The following LTBP1 variants were observed in gnomAD, a reference collection of about 807,000 sequenced individuals.
LTBP1 encodes latent-transforming growth factor beta-binding protein 1.
In LTBP1, 129 loss-of-function variants were observed where a neutral mutation model predicts 207.6. That is an observed-to-expected ratio of 0.62 (90% confidence interval 0.54 to 0.72). The LOEUF is 0.72. LTBP1 is among the 30% of genes least tolerant of loss of function. The probability of loss-of-function intolerance (pLI) is 0.00; values close to 1 mark genes in which losing one functional copy is unlikely to be tolerated. For missense variants in LTBP1, 2,281 were observed against 2,217.2 expected, an observed-to-expected ratio of 1.03 and a Z score of -0.58; for synonymous variants, 963 against 833.7, an observed-to-expected ratio of 1.16 and a Z score of -2.67.
At chr2:33,330,827 A>AG (rs1261931312) in intron 24 of LTBP1, among the ~76,000 whole-genome samples, 1 of 151,586 alleles carries the variant, frequency 6.6e-6, no homozygotes, top group Non-Finnish European at 1.5e-5. Flanking sequence ...AAAAAAAAAA[A>AG]AAAATCCTTG....
At chr2:33,024,313 G>A (rs531811971) in intron 3 of LTBP1, among the ~76,000 whole-genome samples, 22 of 152,150 alleles carry the variant, frequency 1.4e-4, no homozygotes, top group Admixed American at 3.3e-4. Flanking sequence ...TGTGTGGTGG[G>A]GAAGAGTGAG....
chr2:32,996,097 G>A (rs772918904), intron 2 of LTBP1, among the ~76,000 whole-genome samples: 1 of 152,068 alleles, frequency 6.6e-6, no homozygotes, highest in Non-Finnish European at 1.5e-5. Context: ...TTTCTAACTT[G>A]ATGGATTATG....
intron 7 of LTBP1, among the ~76,000 whole-genome samples, chr2:33,196,506 C>G (rs939795904): frequency 2.2e-4 from 33 of 151,538 alleles, no homozygotes; most frequent in African/African-American, 7.8e-4. Context: ...GTGAAATGAC[C>G]AAGGGCCAAT....
At chr2:33,083,067 C>T (rs1356801679) in intron 3 of LTBP1, among the ~76,000 whole-genome samples, 1 of 151,992 alleles carries the variant, frequency 6.6e-6, no homozygotes, top group East Asian at 2.0e-4. Flanking sequence ...TCCCCAGCAG[C>T]TCTGCTTGTG....
intron 3 of LTBP1, among the ~76,000 whole-genome samples, chr2:33,099,973 C>T (rs1337470431): frequency 2.6e-5 from 4 of 152,152 alleles, no homozygotes; most frequent in Admixed American, 2.0e-4. Flanking sequence ...CTCTTGCTTC[C>T]ATTAGGGTGC....
At chr2:33,374,091 G>A (rs2095106023) in intron 31 of LTBP1, among the ~76,000 whole-genome samples, 1 of 152,178 alleles carries the variant, frequency 6.6e-6, no homozygotes, top group South Asian at 2.1e-4. Context: ...TGTGAAGGAA[G>A]ACAGGGATTT....
In LTBP1 at chr2:33,364,231, A is replaced by G. The variant is rs372852447; in HGVS notation, c.4415A>G (p.Gln1472Arg). Residue 1472 changes from glutamine (Q) to arginine (R), a missense_variant, in exon 30 of 34, where the codon CAA becomes CGA. By Grantham distance (43) the Gln-to-Arg change is conservative. Coordinates refer to ENST00000404816, the MANE Select transcript of LTBP1 (RefSeq NM_206943.4). Reference protein sequence around the residue: ...KLQCFDMDECQDPSSCIDGQC... With the variant: ...KLQCFDMDECRDPSSCIDGQC... Reference sequence around the variant, plus strand: ...TGCTCTTAAGATATGGATGAATGTCAAGACCCCAGTAGTTGTATTGATGGC... The same window carrying G: ...TGCTCTTAAGATATGGATGAATGTCGAGACCCCAGTAGTTGTATTGATGGC... 84 of 1,613,036 alleles carry G rather than the reference A, an allele frequency of 5.2e-5. 1 individual carries two copies. The highest frequency in any genetic ancestry group is 6.6e-5 in the Non-Finnish European group (78 of 1,179,716).
chr2:33,138,082 A>G (rs1410491513), intron 5 of LTBP1, among the ~76,000 whole-genome samples: 1 of 152,110 alleles, frequency 6.6e-6, no homozygotes, highest in Non-Finnish European at 1.5e-5. Flanking sequence ...CCTAATAGAT[A>G]TGTGGAGGTT....
intron 2 of LTBP1, among the ~76,000 whole-genome samples, chr2:32,993,461 A>G (rs1395690110): frequency 2.6e-5 from 4 of 152,134 alleles, no homozygotes; most frequent in African/African-American, 7.2e-5. Context: ...TCCAAACACC[A>G]TCTATTATTT....
At chr2:33,348,425 T>C (rs765603193) in intron 26 of LTBP1, among the ~76,000 whole-genome samples, 19 of 152,190 alleles carry the variant, frequency 1.2e-4, no homozygotes, top group Non-Finnish European at 2.5e-4. Context: ...AAAAACCTTG[T>C]GAAAGAGAAG....
chr2:33,112,668 A>C (rs762722257), intron 4 of LTBP1, among the ~76,000 whole-genome samples: 5 of 152,200 alleles, frequency 3.3e-5, no homozygotes, highest in Admixed American at 1.3e-4. Flanking sequence ...TTTTTAAAAG[A>C]GATAATTTGG....
chr2:33,317,620 T>C (rs908906570), intron 24 of LTBP1: 4 of 152,362 alleles, frequency 2.6e-5, no homozygotes, highest in Admixed American at 2.6e-4. Context: ...AATGGAGCAG[T>C]TGTACATAGT....
chr2:32,970,803 A>G (rs897313178), intron 2 of LTBP1, among the ~76,000 whole-genome samples: 3 of 151,492 alleles, frequency 2.0e-5, no homozygotes, highest in Non-Finnish European at 4.4e-5. Context: ...GAAGAATGTC[A>G]TTGTTAGTTG....
chr2:33,341,729 A>AAAAAAAAAAAAAATATAT (rs745445793), intron 24 of LTBP1, among the ~76,000 whole-genome samples: 2 of 93,636 alleles, frequency 2.1e-5, no homozygotes, highest in Admixed American at 1.3e-4. Flanking sequence ...AAAAAAAAAA[A>AAAAAAAAAAAAAATATAT]ATATATATAT....
intron 24 of LTBP1, among the ~76,000 whole-genome samples, chr2:33,316,749 A>G (rs2094279411): frequency 6.6e-6 from 1 of 152,214 alleles, no homozygotes. Flanking sequence ...CACTCCATGA[A>G]TGCATACATT....
rs958371531 is a variant in LTBP1, at chr2:33,223,389, T to C, written c.1876+1238T>C. ...GTCTTAAAAATATTGTAAGCCCTCA[T>C]GTGTCACAGAATGTTGAGAAAATTA... On this transcript the variant is annotated intron_variant, in intron 9 of 33. Transcript: ENST00000404816. Among the ~76,000 whole-genome samples the C allele has an allele frequency of 4.6e-5, 7 of 152,338 alleles. No individual in the cohort carries two copies. The East Asian group carries it at 1.3e-3, about 29-fold the overall frequency.
chr2:33,384,435 C>A (rs569656531), intron 31 of LTBP1, among the ~76,000 whole-genome samples: 1 of 152,116 alleles, frequency 6.6e-6, no homozygotes, highest in Non-Finnish European at 1.5e-5. Context: ...TTTCCATTTC[C>A]TGTTCATTTC....
chr2:32,956,559 A>C (rs2148340813), intron 2 of LTBP1, among the ~76,000 whole-genome samples: 1 of 152,232 alleles, frequency 6.6e-6, no homozygotes, highest in East Asian at 1.9e-4. Context: ...TGCTATTTCC[A>C]CTACCTCTGC....
At position 33,352,340 on chromosome 2, in the gene LTBP1, C is replaced by T. The variant is rs547420417; in HGVS notation, c.4000+4830C>T. 3.6e-3 allele frequency among the ~76,000 whole-genome samples: 555 copies of T among 152,208 alleles called. 2 individuals carry two copies. The highest frequency in any genetic ancestry group is 0.013 in the African/African-American group (535 of 41,520). Reference sequence around the variant, plus strand: ...AGAGACGGGATTTCACCATGTTGGTCAGGCTGATCTCGAACTCCTGACCTT... The same window carrying T: ...AGAGACGGGATTTCACCATGTTGGTTAGGCTGATCTCGAACTCCTGACCTT... On this transcript the variant is annotated intron_variant, in intron 26 of 33. Coordinates refer to ENST00000404816, the MANE Select transcript of LTBP1 (RefSeq NM_206943.4).
Sources: gnomAD v4.1 joint callset for allele counts (sites outside exome capture counted in the v4.1 genomes callset) on GRCh38, gnomAD v4.1.1 for gene constraint, MANE v1.5 for transcripts, NCBI Gene and HGNC (gene_info 2026-07-23, HGNC 2026-07-21) for gene names.